ITGA8: variants seen among roughly 807,000 people sequenced by gnomAD.
ITGA8 encodes the protein integrin subunit alpha 8.
In ITGA8, 91 loss-of-function variants were observed where a neutral mutation model predicts 142.3. That is an observed-to-expected ratio of 0.64 (90% CI 0.54 to 0.76). The LOEUF (loss-of-function observed/expected upper bound fraction) is 0.76. Ranked by LOEUF, ITGA8 falls within the 30% of genes least tolerant of loss-of-function variation. The pLI is 0.00. For synonymous variants in ITGA8, 505 were observed against 485.2 expected, an observed-to-expected ratio of 1.04 and a Z score of -0.54; for missense variants, 1,406 against 1,327.7, an observed-to-expected ratio of 1.06 and a Z score of -0.92.
At chr10:15,677,505 A>T in intron 6 of ITGA8, 87 bp downstream of exon 6, 1 of 1,041,050 alleles carries the variant, frequency 9.6e-7, no homozygotes, top group Non-Finnish European at 1.4e-6. Context: ...TTAAGGTAAT[A>T]GAAAGTAAAC....
At chr10:15,533,112 C>T (rs1164670429) in intron 27 of ITGA8, among the ~76,000 whole-genome samples, 2 of 152,112 alleles carry the variant, frequency 1.3e-5, no homozygotes, top group African/African-American at 4.8e-5. Flanking sequence ...CAATGTTGGG[C>T]CTCATGAGTC....
chr10:15,694,129 TTA>T (rs1834985470), intron 2 of ITGA8, among the ~76,000 whole-genome samples: 1 of 145,682 alleles, frequency 6.9e-6, no homozygotes. Flanking sequence ...TATATCTATA[TTA>T]TATAGATAAT....
intron 24 of ITGA8, among the ~76,000 whole-genome samples, chr10:15,572,620 A>T (rs553818016): frequency 2.6e-5 from 4 of 152,358 alleles, no homozygotes; most frequent in African/African-American, 9.6e-5. Flanking sequence ...GTTGAAGACC[A>T]TACTACCCTT....
chr10:15,678,722 C>T lies in ITGA8; in HGVS notation c.630G>A (p.Lys210=). ...GAACTGCGAGACCAAAATAATTCACCTTATAAAAATCCAGACTAAATCCTG... is the reference window on the plus strand; with the variant it reads ...GAACTGCGAGACCAAAATAATTCACTTTATAAAAATCCAGACTAAATCCTG... ...CQAGFSLDFY[K]NGDLIVGGPG... is the part of the protein sequence containing the mutation. The change falls in exon 5 of 30, where the codon AAG becomes AAA. Residue 210 remains lysine (K), a splice_region_variant and synonymous_variant. Transcript: ENST00000378076. The T allele has an allele frequency of 6.2e-7, 1 of 1,606,422 alleles. No homozygotes were observed. Among genetic ancestry groups the T allele is most frequent in the Non-Finnish European group, 8.5e-7 (1 of 1,173,512 alleles).
chr10:15,641,700 A>G (rs1330835746), intron 13 of ITGA8, among the ~76,000 whole-genome samples: 1 of 152,172 alleles, frequency 6.6e-6, no homozygotes, highest in Non-Finnish European at 1.5e-5. Flanking sequence ...GCCTTAGTAA[A>G]GAACATTTAC....
intron 9 of ITGA8, among the ~76,000 whole-genome samples, chr10:15,659,605 G>A (rs1834248124): frequency 6.6e-6 from 1 of 152,128 alleles, no homozygotes; most frequent in South Asian, 2.1e-4. Context: ...GGTTTGAATA[G>A]TAGCACCCCA....
intron 3 of ITGA8, among the ~76,000 whole-genome samples, chr10:15,686,688 A>G (rs934591889): frequency 2.6e-5 from 4 of 152,230 alleles, no homozygotes; most frequent in African/African-American, 4.8e-5. Flanking sequence ...AAGAATTTAA[A>G]TGTTCATTCT....
At chr10:15,719,406 G>A (rs1000637517) in intron 1 of ITGA8, among the ~76,000 whole-genome samples, 157 bp downstream of exon 1, 1 of 152,216 alleles carries the variant, frequency 6.6e-6, no homozygotes, top group Non-Finnish European at 1.5e-5. Flanking sequence ...GCATGGCAGG[G>A]GAGAGAAGGG....
intron 13 of ITGA8, among the ~76,000 whole-genome samples, chr10:15,618,632 A>C (rs1833436911): frequency 6.6e-6 from 1 of 152,146 alleles, no homozygotes; most frequent in Admixed American, 6.6e-5. Flanking sequence ...GCACCATCTG[A>C]TCACCTGTCA....
intron 27 of ITGA8, among the ~76,000 whole-genome samples, chr10:15,537,184 T>C (rs975362474): frequency 2.6e-5 from 4 of 152,234 alleles, no homozygotes; most frequent in African/African-American, 9.6e-5. Context: ...CCACCAAGAA[T>C]TGTAAACTTT....
Position 15,604,209 on chromosome 10 carries a change from T to C in ITGA8, c.2117A>G (p.Lys706Arg). The change falls in exon 20 of 30, where the codon AAG becomes AGG. Residue 706 changes from lysine (K) to arginine (R), a missense_variant and splice_region_variant. Transcript: ENST00000378076. ...ADYVGIERNN[K>R]GFRPLSCEYK... is the part of the protein sequence containing the mutation. ...CTTCAAACAATTTGCAGGCATTACC[T>C]TGTTGTTGCGTTCGATTCCAACATA... is the stretch of plus-strand genomic sequence containing the variant. The C allele has an allele frequency of 1.2e-6, 2 of 1,608,768 alleles. No homozygotes were observed. The highest frequency in any genetic ancestry group is 1.7e-6 in the Non-Finnish European group (2 of 1,178,412).
chr10:15,571,082 T>A lies in ITGA8; in HGVS notation c.2637+1129A>T, dbSNP rs376901432. On this transcript the variant is annotated intron_variant, in intron 25 of 29. Coordinates refer to ENST00000378076, the MANE Select transcript of ITGA8 (RefSeq NM_003638.3). ...AGAAAAAAAAATTCCAGGAAGGAAA[T>A]ATTTTAAAGAATCTTGTGTAACACA... 3.9e-3 allele frequency among the ~76,000 whole-genome samples: 592 copies of A among 152,298 alleles called. 5 individuals are homozygous for A. The highest frequency in any genetic ancestry group is 0.014 in the African/African-American group (571 of 41,572).
chr10:15,523,533 T>C (rs1833107484), intron 28 of ITGA8, among the ~76,000 whole-genome samples: 1 of 152,106 alleles, frequency 6.6e-6, no homozygotes, highest in South Asian at 2.1e-4. Context: ...ATTCGGAAAG[T>C]CCCTTTCAGT....
At position 15,648,808 on chromosome 10, in the gene ITGA8, G is replaced by A. The variant is rs188691177; in HGVS notation, c.1002-1757C>T. On this transcript the variant is annotated intron_variant, in intron 11 of 29. Transcript: ENST00000378076. ...TTCAGTCTGAATCAAAAGATATCCT[G>A]TGTACTTCCTATGTTTAAGGTACTT... 1.2e-4 allele frequency among the ~76,000 whole-genome samples: 19 copies of A among 152,266 alleles called. No individual in the cohort carries two copies. The East Asian group carries it at 3.1e-3, about 25-fold the overall frequency.
intron 28 of ITGA8, among the ~76,000 whole-genome samples, chr10:15,530,829 C>G (rs1292991838): frequency 6.6e-6 from 1 of 152,044 alleles, no homozygotes; most frequent in Non-Finnish European, 1.5e-5. Context: ...GGTATTAGTC[C>G]TGCCCTGTAA....
chr10:15,608,129 G>A (rs1000631330), intron 16 of ITGA8, 106 bp downstream of exon 16: 4 of 791,290 alleles, frequency 5.1e-6, no homozygotes, highest in Non-Finnish European at 6.4e-6. Flanking sequence ...AGATATCTTG[G>A]TATTCCTCAA....
chr10:15,548,644 A>G (rs1473926123), intron 26 of ITGA8, 76 bp from the exon 27 acceptor site: 8 of 863,586 alleles, frequency 9.3e-6, no homozygotes, highest in Non-Finnish European at 1.1e-5. Context: ...GCTTATTTAC[A>G]TTTCATTTCC....
chr10:15,659,630 C>T (rs1246335055), intron 9 of ITGA8, among the ~76,000 whole-genome samples: 1 of 152,238 alleles, frequency 6.6e-6, no homozygotes, highest in South Asian at 2.1e-4. Flanking sequence ...TTCATATCTA[C>T]CCAGAACATC....
At chr10:15,617,285 C>T (rs1833410787) in intron 13 of ITGA8, among the ~76,000 whole-genome samples, 1 of 152,070 alleles carries the variant, frequency 6.6e-6, no homozygotes, top group South Asian at 2.1e-4. Flanking sequence ...CTAACATTCA[C>T]ACAAGTAGGT....
Sources: allele counts gnomAD v4.1 joint callset (sites outside exome capture counted in the v4.1 genomes callset), GRCh38; gene constraint gnomAD v4.1.1; transcripts MANE v1.5; gene names NCBI Gene and HGNC (gene_info 2026-07-23, HGNC 2026-07-21).